Variants in GNA12 observed in about 807,000 individuals in gnomAD.
GNA12 encodes guanine nucleotide-binding protein subunit alpha-12.
A neutral mutation model predicts 26.0 loss-of-function variants in GNA12; 9 were observed. The ratio of observed to expected loss-of-function variants is 0.35; its 90% CI spans 0.21 to 0.60. GNA12 has a LOEUF of 0.60. Among genes scored for constraint, GNA12 ranks in the 20% least tolerant of loss-of-function variants. GNA12 has a pLI of 0.78. For missense variants in GNA12, 405 were observed against 525.8 expected (o/e 0.77, Z 2.25); for synonymous variants, 264 against 219.6 (o/e 1.20, Z -1.79).
At chr7:2,789,218 C>CCAT (rs1253557686) in intron 2 of GNA12, among the ~76,000 whole-genome samples, 4 of 137,248 alleles carry the variant, frequency 2.9e-5, no homozygotes, top group Non-Finnish European at 6.2e-5. Context: ...TCACTGCAAG[C>CCAT]TCCGCCTCCC....
At chr7:2,755,882 T>C (rs763540385) in intron 2 of GNA12, among the ~76,000 whole-genome samples, 8 of 152,236 alleles carry the variant, frequency 5.3e-5, no homozygotes, top group Non-Finnish European at 1.0e-4. Context: ...TCAACATTGT[T>C]GTTTATGCTC....
At chr7:2,775,851 AC>A (rs1041243956) in intron 2 of GNA12, among the ~76,000 whole-genome samples, 2 of 151,996 alleles carry the variant, frequency 1.3e-5, no homozygotes, top group Non-Finnish European at 2.9e-5. Flanking sequence ...TTCATCCCTC[AC>A]ACTACCTGGA....
intron 2 of GNA12, among the ~76,000 whole-genome samples, chr7:2,747,080 C>T (rs1790800768): frequency 6.6e-6 from 1 of 152,196 alleles, no homozygotes; most frequent in Non-Finnish European, 1.5e-5. Flanking sequence ...CAGCCGAATT[C>T]TACCAGAGGT....
intron 1 of GNA12, among the ~76,000 whole-genome samples, chr7:2,832,071 C>T (rs1475812450): frequency 6.6e-6 from 1 of 152,182 alleles, no homozygotes; most frequent in Non-Finnish European, 1.5e-5. Flanking sequence ...ACTGTTTTGT[C>T]ACAAATTTCT....
intron 2 of GNA12, among the ~76,000 whole-genome samples, chr7:2,744,307 C>T (rs1207921926): frequency 2.0e-5 from 3 of 152,204 alleles, no homozygotes; most frequent in African/African-American, 7.2e-5. Context: ...GCCGGGTACT[C>T]CTCTGAGACA....
At chr7:2,816,283 T>G (rs1007940867) in intron 1 of GNA12, among the ~76,000 whole-genome samples, 1 of 149,068 alleles carries the variant, frequency 6.7e-6, no homozygotes, top group East Asian at 1.9e-4. Context: ...CAGGCTGGAG[T>G]GCAATGGCAC....
chr7:2,751,876 T>C (rs1292846691), intron 2 of GNA12, among the ~76,000 whole-genome samples: 2 of 152,126 alleles, frequency 1.3e-5, no homozygotes, highest in Non-Finnish European at 2.9e-5. Context: ...ACAACAAAAC[T>C]TCCCCAAAGG....
At chr7:2,778,675 C>G (rs1481074744) in intron 2 of GNA12, among the ~76,000 whole-genome samples, 1 of 152,200 alleles carries the variant, frequency 6.6e-6, no homozygotes, top group Non-Finnish European at 1.5e-5. Flanking sequence ...GGTAGGTAAA[C>G]AAATACTACT....
intron 2 of GNA12, among the ~76,000 whole-genome samples, chr7:2,777,283 A>G (rs1792101302): frequency 6.6e-6 from 1 of 152,270 alleles, no homozygotes; most frequent in African/African-American, 2.4e-5. Flanking sequence ...GCCATATGAT[A>G]GAAATCCAAT....
Position 2,768,691 on chromosome 7 carries a change from A to AAAAAC in GNA12, c.525+26236_525+26237insGTTTT, listed in dbSNP as rs1554258745. 4.3e-3 allele frequency among the ~76,000 whole-genome samples: 615 copies of AAAAAC among 142,632 alleles called. 5 individuals carry two copies. The highest frequency in any genetic ancestry group is 0.01 in the African/African-American group (391 of 39,076). The allele number at this position is 142,632 out of a possible 152,430, so 93.6% of individuals were successfully genotyped here. A position where few individuals can be genotyped will look rare whatever the true frequency, so the allele number is the denominator to read the frequency against. The stretch of plus-strand genomic sequence containing the variant: ...TAAAAAAAAAACAAAACAAAACAAA[A>AAAAAC]AAAAAAACAGTAAACCTATGGATAA... On this transcript the variant is annotated intron_variant, in intron 2 of 3. Transcript: ENST00000275364.
rs79635037 is a variant in GNA12, at chr7:2,756,259, A to G, written c.526-22758T>C. 5.3e-3 allele frequency among the ~76,000 whole-genome samples: 810 copies of G among 152,332 alleles called. 7 individuals are homozygous for G. The highest frequency in any genetic ancestry group is 0.018 in the African/African-American group (765 of 41,568). ...TGGTGATCTGCACATAACTTAAAAA[A>G]AACTCTCATTTGGAGGATCAGAAAA... On this transcript the variant is annotated intron_variant, in intron 2 of 3. Coordinates refer to ENST00000275364, the MANE Select transcript of GNA12 (RefSeq NM_007353.3).
At chr7:2,747,877 A>G (rs1790844747) in intron 2 of GNA12, among the ~76,000 whole-genome samples, 1 of 152,166 alleles carries the variant, frequency 6.6e-6, no homozygotes, top group African/African-American at 2.4e-5. Flanking sequence ...TAACAGACAA[A>G]CAGCCAAATC....
Position 2,762,920 on chromosome 7 carries a change from C to A in GNA12, c.526-29419G>T, listed in dbSNP as rs576076836. On this transcript the variant is annotated intron_variant, in intron 2 of 3. Transcript: ENST00000275364. ...TGCGGCGGGGAGAAGAGGCCACAGG[C>A]GGGGACGCCCCAGACACTCCCGTGG... 1.2e-5 allele frequency: 17 copies of A among 1,409,212 alleles called. No homozygotes were observed. In the South Asian group the frequency reaches 2.1e-4, roughly 17 times the overall value. 87.3% of individuals were successfully genotyped at this position (1,409,212 alleles called of 1,614,324 possible).
rs759880397 is a variant in GNA12 at position 2,731,179 on chromosome 7, G to A, written c.*2C>T. The A allele has an allele frequency of 1.4e-5, 23 of 1,598,956 alleles. No homozygotes were observed. In the South Asian group the frequency reaches 1.4e-4, roughly 10 times the overall value. ...CGACGACAAACCCCGGGGCTTCCTC[G>A]CTCACTGCAGCATGATGTCCTTCAG... On this transcript the variant is annotated 3_prime_UTR_variant, in exon 4 of 4. Transcript: ENST00000275364. This position sits in a 1 kb window ranked among gnomAD's most constrained non-coding sequence, Gnocchi z 6.0.
At chr7:2,834,967 A>ACTATACATTGCGATGCG (rs1778793965) in intron 1 of GNA12, among the ~76,000 whole-genome samples, 1 of 151,542 alleles carries the variant, frequency 6.6e-6, no homozygotes, top group Admixed American at 6.6e-5. Context: ...ATCGCGATGC[A>ACTATACATTGCGATGCG]TGACTATACA....
At chr7:2,752,252 A>G (rs1791077767) in intron 2 of GNA12, among the ~76,000 whole-genome samples, 1 of 152,214 alleles carries the variant, frequency 6.6e-6, no homozygotes, top group Non-Finnish European at 1.5e-5. Flanking sequence ...GCTTAAAAAA[A>G]AAGTCCTCTC....
At chr7:2,741,843 G>A (rs904940427) in intron 2 of GNA12, among the ~76,000 whole-genome samples, 3 of 150,508 alleles carry the variant, frequency 2.0e-5, no homozygotes, top group African/African-American at 7.4e-5. Flanking sequence ...AAGGATAAGA[G>A]TATTCATCTA....
intron 1 of GNA12, among the ~76,000 whole-genome samples, chr7:2,808,580 G>A (rs1287650946): frequency 6.6e-6 from 1 of 152,222 alleles, no homozygotes; most frequent in Non-Finnish European, 1.5e-5. Flanking sequence ...CTGCAGCTAG[G>A]GGAGATGCAC....
At chr7:2,737,296 T>G (rs1583212576) in intron 2 of GNA12, among the ~76,000 whole-genome samples, 3 of 117,332 alleles carry the variant, frequency 2.6e-5, no homozygotes, top group African/African-American at 6.7e-5. Flanking sequence ...TTTGTTTTTT[T>G]TTTTTTTTTT....
Sources: allele counts gnomAD v4.1 joint callset (sites outside exome capture counted in the v4.1 genomes callset), GRCh38; gene constraint gnomAD v4.1.1; non-coding constraint Gnocchi (gnomAD v3.1); transcripts MANE v1.5; gene names NCBI Gene and HGNC (gene_info 2026-07-23, HGNC 2026-07-21).